RAB38: variants seen among roughly 807,000 people sequenced by gnomAD.
RAB38 encodes ras-related protein Rab-38.
A neutral mutation model predicts 18.4 loss-of-function variants in RAB38; 15 were observed. The ratio of observed to expected loss-of-function variants is 0.82; its 90% CI spans 0.55 to 1.26. The LOEUF (loss-of-function observed/expected upper bound fraction) is 1.26, where lower values mean the gene tolerates loss of function less well. Among genes scored for constraint, RAB38 ranks in the 50% most tolerant of loss-of-function variants. The pLI is 0.00. For synonymous variants in RAB38, 101 were observed against 104.4 expected (o/e 0.97, Z 0.20); for missense variants, 294 against 267.4 (o/e 1.10, Z -0.69).
downstream of RAB38, among the ~76,000 whole-genome samples, chr11:88,112,964 C>T (rs1942493986): frequency 6.6e-6 from 1 of 152,170 alleles, no homozygotes; most frequent in Admixed American, 6.5e-5. Flanking sequence ...GTTGATTGAT[C>T]TGGCACCTTT....
the RAB38 span, among the ~76,000 whole-genome samples, chr11:87,902,621 C>T: frequency 2.0e-5 from 3 of 151,308 alleles, no homozygotes; most frequent in African/African-American, 2.4e-5. Context: ...ATCAACAATA[C>T]CTGTGTTGAA....
chr11:88,082,877 GCAAAAGCCTC>G, the RAB38 span, among the ~76,000 whole-genome samples: 2 of 151,738 alleles, frequency 1.3e-5, no homozygotes, highest in South Asian at 4.1e-4. Flanking sequence ...ACTTTTCTGT[GCAAAAGCCTC>G]CAATGGCTTT....
chr11:87,975,088 A>C, the RAB38 span, among the ~76,000 whole-genome samples: 1 of 151,370 alleles, frequency 6.6e-6, no homozygotes, highest in Admixed American at 6.6e-5. Context: ...TAGACACCTC[A>C]CTCCCATGTC....
At chr11:88,098,701 A>G in the RAB38 span, 3 of 152,070 alleles carry the variant, frequency 2.0e-5, no homozygotes, top group African/African-American at 4.8e-5. Flanking sequence ...CTGAGACTCA[A>G]TCAGTGAAAC....
chr11:87,912,633 T>C, the RAB38 span, among the ~76,000 whole-genome samples: 3 of 151,818 alleles, frequency 2.0e-5, no homozygotes, highest in East Asian at 1.9e-4. Context: ...GTCAGACTCA[T>C]TGATCTCTTT....
the RAB38 span, among the ~76,000 whole-genome samples, chr11:88,082,393 G>A: frequency 6.6e-6 from 1 of 151,880 alleles, no homozygotes; most frequent in Non-Finnish European, 1.5e-5. Context: ...TTAGGAGTCT[G>A]AGCAGAAAAT....
the RAB38 span, among the ~76,000 whole-genome samples, chr11:87,931,695 A>G: frequency 6.6e-6 from 1 of 152,132 alleles, no homozygotes; most frequent in African/African-American, 2.4e-5. Flanking sequence ...TTGATGATTC[A>G]GAGAGAATAT....
chr11:88,026,841 T>C, the RAB38 span, among the ~76,000 whole-genome samples: 6 of 152,214 alleles, frequency 3.9e-5, no homozygotes, highest in Middle Eastern at 3.4e-3. Context: ...AATTGGAGAA[T>C]AGGATATTCA....
At chr11:87,853,322 G>C in the RAB38 span, among the ~76,000 whole-genome samples, 1 of 152,254 alleles carries the variant, frequency 6.6e-6, no homozygotes, top group East Asian at 1.9e-4. Flanking sequence ...AGTTCATGAG[G>C]GTGAGGCCTC....
At chr11:88,167,655 A>G (rs556429835) in intron 1 of RAB38, 2 of 152,308 alleles carry the variant, frequency 1.3e-5, no homozygotes, top group South Asian at 4.1e-4. Flanking sequence ...AAGGAAGGAG[A>G]GAACAGTAGA....
intron 2 of RAB38, among the ~76,000 whole-genome samples, chr11:88,132,886 T>C (rs1404365116): frequency 1.3e-5 from 2 of 152,250 alleles, no homozygotes; most frequent in Non-Finnish European, 2.9e-5. Context: ...AAGTTATCAA[T>C]AGTTTAAATG....
the RAB38 span, among the ~76,000 whole-genome samples, chr11:88,008,164 G>A: frequency 3.9e-5 from 6 of 152,012 alleles, no homozygotes; most frequent in Admixed American, 3.3e-4. Flanking sequence ...GTACATAATC[G>A]TCAGATCTCC....
rs561829801 is a variant in RAB38, at chr11:88,139,068, G to A, written c.483+10607C>T. Among the ~76,000 whole-genome samples the A allele has an allele frequency of 1.6e-4, 24 of 152,220 alleles. No homozygotes were observed. In the East Asian group the frequency reaches 4.4e-3, roughly 28 times the overall value. On this transcript the variant is annotated intron_variant, in intron 2 of 2. Coordinates refer to ENST00000243662, the MANE Select transcript of RAB38 (RefSeq NM_022337.3). ...CAAAGTGCTGGGATAACAGGTGTGA[G>A]CCACCATGCCTGGCCTATTATTCTT...
At chr11:87,823,677 C>G in the RAB38 span, among the ~76,000 whole-genome samples, 1 of 151,766 alleles carries the variant, frequency 6.6e-6, no homozygotes, top group African/African-American at 2.4e-5. Context: ...TTTTTTTCAA[C>G]AAATGGAACG....
rs988337534 is a variant in RAB38, at chr11:88,151,211, G to T, written c.203-1256C>A. Among the ~76,000 whole-genome samples the T allele has an allele frequency of 7.9e-5, 12 of 152,232 alleles. 1 individual carries two copies. The South Asian group carries it at 2.5e-3, about 32-fold the overall frequency. On this transcript the variant is annotated intron_variant, in intron 1 of 2. Coordinates refer to ENST00000243662, the MANE Select transcript of RAB38 (RefSeq NM_022337.3). ...TATGTACTGCAGAGTTTTGCCATGT[G>T]GATGAAGTGAATTAATATATGCAAA...
the RAB38 span, among the ~76,000 whole-genome samples, chr11:87,876,786 C>T: frequency 3.3e-5 from 5 of 151,518 alleles, no homozygotes; most frequent in South Asian, 2.1e-4. Context: ...GAGAAGGAAA[C>T]GGTGTTCTTC....
chr11:87,886,829 T>TG, the RAB38 span, among the ~76,000 whole-genome samples: 1 of 151,432 alleles, frequency 6.6e-6, no homozygotes. Flanking sequence ...CACTTGTTTT[T>TG]TTTTTTTTTT....
chr11:87,857,665 T>C, the RAB38 span, among the ~76,000 whole-genome samples: 3 of 152,232 alleles, frequency 2.0e-5, no homozygotes, highest in Admixed American at 6.5e-5. Flanking sequence ...ATGTCTTCTT[T>C]TGAGAAGTGT....
the RAB38 span, among the ~76,000 whole-genome samples, chr11:87,933,871 A>G: frequency 2.2e-4 from 33 of 152,236 alleles, no homozygotes; most frequent in African/African-American, 7.7e-4. Flanking sequence ...ACAACTTAAG[A>G]GTTCTTGAGG....
Sources: gnomAD v4.1 joint callset for allele counts (sites outside exome capture counted in the v4.1 genomes callset) on GRCh38, gnomAD v4.1.1 for gene constraint, MANE v1.5 for transcripts, NCBI Gene and HGNC (gene_info 2026-07-23, HGNC 2026-07-21) for gene names.